PJA2: variants seen among roughly 807,000 people sequenced by gnomAD.
PJA2 encodes the protein praja ring finger ubiquitin ligase 2.
PJA2 carries 25 observed loss-of-function variants against 69.3 expected under a neutral mutation model. That is an observed-to-expected ratio of 0.36 (90% CI 0.26 to 0.50). PJA2 has a LOEUF of 0.50. Among genes scored for constraint, PJA2 ranks in the 20% least tolerant of loss-of-function variants. The probability of loss-of-function intolerance (pLI) is 0.96; values close to 1 mark genes in which losing one functional copy is unlikely to be tolerated. For missense variants in PJA2, 809 were observed against 830.2 expected (o/e 0.97, Z 0.31); for synonymous variants, 308 against 277.8 (o/e 1.11, Z -1.08).
chr5:109,358,707 G>C (rs1356645518), intron 6 of PJA2, among the ~76,000 whole-genome samples: 1 of 152,120 alleles, frequency 6.6e-6, no homozygotes, highest in Non-Finnish European at 1.5e-5. Flanking sequence ...TGTAGTCCCA[G>C]CTACTTGGGA....
rs369697387 is a variant in PJA2 at position 109,362,010 on chromosome 5, A to G, written c.1652+830T>C. On this transcript the variant is annotated intron_variant, in intron 6 of 9. Transcript: ENST00000361189. The stretch of plus-strand genomic sequence containing the variant: ...CCTGAAGAGATATCAGGAGATATAA[A>G]TGAGTTTTTTCTTATTTATTTTTCT... 6.6e-5 allele frequency among the ~76,000 whole-genome samples: 10 copies of G among 152,374 alleles called. No homozygotes were observed. In the East Asian group the frequency reaches 1.5e-3, roughly 23 times the overall value.
chr5:109,337,068 C>T lies in PJA2; in HGVS notation c.*163G>A. 1.7e-6 allele frequency: 1 copy of T among 586,746 alleles called. No individual in the cohort carries two copies. Among genetic ancestry groups the T allele is most frequent in the South Asian group, 5.9e-5 (1 of 16,866 alleles). The allele number at this position is 586,746 out of a possible 1,614,324, so 36.3% of individuals were successfully genotyped here. On this transcript the variant is annotated 3_prime_UTR_variant, in exon 10 of 10. Transcript: ENST00000361189. ...GCTTAAAAATGTTTAATACTTTCTGCAAACCTAAATTTAGTTTAGAAAGGT... is the reference window on the plus strand; with the variant it reads ...GCTTAAAAATGTTTAATACTTTCTGTAAACCTAAATTTAGTTTAGAAAGGT...
At chr5:109,379,758 C>A (rs1746996670) in intron 3 of PJA2, among the ~76,000 whole-genome samples, 1 of 152,136 alleles carries the variant, frequency 6.6e-6, no homozygotes, top group Non-Finnish European at 1.5e-5. Context: ...TGGCAATTCA[C>A]AAAATTATAT....
In PJA2 at chr5:109,378,429, T is replaced by C; in HGVS notation, c.1058A>G (p.Glu353Gly). 1 of 1,614,140 alleles carries C rather than the reference T, an allele frequency of 6.2e-7. No homozygotes were observed. The highest frequency in any genetic ancestry group is 1.1e-5 in the South Asian group (1 of 91,074). The change falls in exon 4 of 10, where the codon GAG becomes GGG. Residue 353 changes from glutamate (E) to glycine (G), a missense_variant. Glu to Gly is a moderately conservative substitution (Grantham distance 98, BLOSUM62 -2). Around this residue, in one of 4 missense-constraint regions of PJA2, gnomAD observed 700 missense variants for 639.5 expected, o/e 1.09. Coordinates refer to ENST00000361189, the MANE Select transcript of PJA2 (RefSeq NM_014819.5). Reference sequence around the variant, plus strand: ...TAAGAGGTCATCTGAGCCACTTTCCTCAACTTCCAAAGCCTCTCTCCATCT... The same window carrying C: ...TAAGAGGTCATCTGAGCCACTTTCCCCAACTTCCAAAGCCTCTCTCCATCT... ...VQRWREALEV[E>G]ESGSDDLLIK... is the part of the protein sequence containing the mutation.
Position 109,362,967 on chromosome 5 carries a change from T to G in PJA2, c.1525A>C (p.Asn509His). The G allele has an allele frequency of 6.2e-7, 1 of 1,613,728 alleles. No homozygotes were observed. The highest frequency in any genetic ancestry group is 8.5e-7 in the Non-Finnish European group (1 of 1,179,726). ...EIPWLQYNEV[N>H]ESSSDEGNEP... is the part of the protein sequence containing the mutation. The stretch of plus-strand genomic sequence containing the variant: ...TTTCCCTCATCACTGCTGCTTTCAT[T>G]GACTTCATTGTACTGTAACCAAGGA... Residue 509 changes from asparagine to histidine, a missense_variant, in exon 6 of 10, where the codon AAT (asparagine) becomes CAT (histidine). Physicochemically the swap from Asn to His is moderately conservative, Grantham distance 68. Transcript: ENST00000361189.
chr5:109,344,891 T>C, intron 7 of PJA2, 72 bp from the exon 8 acceptor site: 1 of 942,370 alleles, frequency 1.1e-6, no homozygotes, highest in Admixed American at 2.0e-5. Context: ...TTTTAGGGTA[T>C]CTCCAAAATT....
At chr5:109,380,762 G>C (rs976866433) in intron 3 of PJA2, among the ~76,000 whole-genome samples, 2 of 137,440 alleles carry the variant, frequency 1.5e-5, no homozygotes, top group Non-Finnish European at 3.0e-5. Context: ...CCCAGATCAC[G>C]TCACTGCACA....
Position 109,337,235 on chromosome 5 carries a change from G to A in PJA2, c.2123C>T (p.Pro708Leu). The change falls in exon 10 of 10, where the codon CCC becomes CTC. Residue 708 changes from proline (P) to leucine (L), a missense_variant. Pro to Leu is a moderately conservative substitution (Grantham distance 98, BLOSUM62 -3). Around this residue, in one of 4 missense-constraint regions of PJA2, gnomAD observed 35 missense variants for 37.0 expected, o/e 0.94. Transcript: ENST00000361189. Reference sequence around the variant, plus strand: ...TCTCATTTCAACTGTCAAGGTTTAGGGTGCTTCTGCAATACTGTCATTTGA... The same window carrying A: ...TCTCATTTCAACTGTCAAGGTTTAGAGTGCTTCTGCAATACTGTCATTTGA... ...PPSNDSIAEA[P>L] is the part of the protein sequence containing the mutation. 1 of 1,613,366 alleles carries A rather than the reference G, an allele frequency of 6.2e-7. No homozygotes were observed. Among genetic ancestry groups the A allele is most frequent in the African/African-American group, 1.3e-5 (1 of 74,956 alleles).
At chr5:109,393,279 G>A (rs534105022) in intron 1 of PJA2, among the ~76,000 whole-genome samples, 22 of 152,228 alleles carry the variant, frequency 1.4e-4, no homozygotes, top group African/African-American at 5.3e-4. Context: ...ATTAGAACAA[G>A]TTATCATTAC....
intron 6 of PJA2, among the ~76,000 whole-genome samples, chr5:109,358,955 A>G (rs1438715859): frequency 6.6e-6 from 1 of 152,212 alleles, no homozygotes; most frequent in East Asian, 1.9e-4. Context: ...TTCACGCTAG[A>G]AGCCTACTGA....
Position 109,344,180 on chromosome 5 carries a change from T to C in PJA2, c.2001+10A>G, listed in dbSNP as rs1762136346. ...AGTATTTTTAAATTTTTAATTATTC[T>C]ATCACTCACCTTTTGTAGCCAAATT... On this transcript the variant is annotated intron_variant, in intron 9 of 9. Coordinates refer to ENST00000361189, the MANE Select transcript of PJA2 (RefSeq NM_014819.5). 6.9e-7 allele frequency: 1 copy of C among 1,445,602 alleles called. No individual in the cohort carries two copies. Among genetic ancestry groups the C allele is most frequent in the South Asian group, 1.3e-5 (1 of 78,798 alleles). 89.5% of individuals were successfully genotyped at this position (1,445,602 alleles called of 1,614,324 possible). A position where few individuals can be genotyped will look rare whatever the true frequency, so the allele number is the denominator to read the frequency against.
rs1561345726 is a variant in PJA2, at chr5:109,354,091, T to TG, written c.1764+1823_1764+1824insC. ...GAGATATCTATAGATTAGATATCTA[T>TG]ATCTAGAGATATCTATAGATTAGAT... On this transcript the variant is annotated intron_variant, in intron 7 of 9. Transcript: ENST00000361189. 4.7e-4 allele frequency among the ~76,000 whole-genome samples: 60 copies of TG among 126,662 alleles called. 2 individuals are homozygous for TG. The highest frequency in any genetic ancestry group is 1.7e-3 in the African/African-American group (55 of 32,670). The allele number at this position is 126,662 out of a possible 152,430, so 83.1% of individuals were successfully genotyped here. A position where few individuals can be genotyped will look rare whatever the true frequency, so the allele number is the denominator to read the frequency against.
intron 4 of PJA2, among the ~76,000 whole-genome samples, chr5:109,373,167 A>G (rs1374192513): frequency 1.3e-5 from 2 of 152,116 alleles, no homozygotes; most frequent in African/African-American, 4.8e-5. Context: ...GACAGAATAG[A>G]GACAGTGGGT....
intron 7 of PJA2, among the ~76,000 whole-genome samples, chr5:109,350,346 C>T (rs990933894): frequency 1.3e-5 from 2 of 151,436 alleles, no homozygotes; most frequent in Admixed American, 1.3e-4. Flanking sequence ...AATAGTTAGT[C>T]GAAGAGGCAG....
At chr5:109,367,894 T>A (rs1415080218) in intron 5 of PJA2, among the ~76,000 whole-genome samples, 1 of 152,158 alleles carries the variant, frequency 6.6e-6, no homozygotes, top group African/African-American at 2.4e-5. Flanking sequence ...CAACAAACAT[T>A]CTTGCTAGAA....
At chr5:109,362,223 A>G (rs970972877) in intron 6 of PJA2, among the ~76,000 whole-genome samples, 2 of 152,232 alleles carry the variant, frequency 1.3e-5, no homozygotes, top group African/African-American at 4.8e-5. Context: ...GTGGGCTACT[A>G]TACACTTTAA....
At chr5:109,399,525 G>A (rs1561365851) in intron 1 of PJA2, among the ~76,000 whole-genome samples, 1 of 152,136 alleles carries the variant, frequency 6.6e-6, no homozygotes, top group African/African-American at 2.4e-5. Flanking sequence ...CTAAGCACAA[G>A]GTAACACTAA....
At position 109,362,992 on chromosome 5, in the gene PJA2, A is replaced by G; in HGVS notation, c.1500T>C (p.Ile500=). Residue 500 remains isoleucine, a synonymous_variant, in exon 6 of 10, where the codon ATT becomes ATC. Transcript: ENST00000361189. The part of the protein sequence containing the change: ...GEQTSLEEGE[I]PWLQYNEVNE... Reference sequence around the variant, plus strand: ...TGACTTCATTGTACTGTAACCAAGGAATTTCTCCCTCTTCCAAGGATGTCT... The same window carrying G: ...TGACTTCATTGTACTGTAACCAAGGGATTTCTCCCTCTTCCAAGGATGTCT... 1.9e-6 allele frequency: 3 copies of G among 1,603,884 alleles called. No homozygotes were observed. Among genetic ancestry groups the G allele is most frequent in the Non-Finnish European group, 2.6e-6 (3 of 1,172,288 alleles).
chr5:109,406,958 T>C (rs1166752973), intron 1 of PJA2, among the ~76,000 whole-genome samples: 1 of 152,160 alleles, frequency 6.6e-6, no homozygotes, highest in Non-Finnish European at 1.5e-5. Context: ...ATCATTCCAC[T>C]TACATGAAAT....
Sources: gnomAD v4.1 joint callset for allele counts (sites outside exome capture counted in the v4.1 genomes callset) on GRCh38, gnomAD v4.1.1 for gene constraint, gnomAD v4.1.1 regional missense constraint, MANE v1.5 for transcripts, NCBI Gene and HGNC (gene_info 2026-07-23, HGNC 2026-07-21) for gene names.